Variants in RBFOX1 observed in about 807,000 individuals in gnomAD.
The protein encoded by RBFOX1 is RNA binding protein fox-1 homolog 1.
RBFOX1 carries 8 observed loss-of-function variants against 57.7 expected under a neutral mutation model. That is an observed-to-expected ratio of 0.14 (90% confidence interval 0.08 to 0.25). RBFOX1 has a LOEUF of 0.25. Among genes scored for constraint, RBFOX1 ranks in the 10% least tolerant of loss-of-function variants. RBFOX1 has a pLI of 1.00. For missense variants in RBFOX1, 611 were observed against 548.5 expected (o/e 1.11, Z -1.14); for synonymous variants, 326 against 222.4 (o/e 1.47, Z -4.15).
chr16:6,442,170 G>C (rs912922705), intron 2 of RBFOX1, among the ~76,000 whole-genome samples: 1 of 152,288 alleles, frequency 6.6e-6, no homozygotes, highest in East Asian at 1.9e-4. Flanking sequence ...GACAGAGCTT[G>C]ACTTAGTGGT....
chr16:5,590,284 T>C (rs1025817837), intron 2 of RBFOX1, among the ~76,000 whole-genome samples: 1 of 152,222 alleles, frequency 6.6e-6, no homozygotes, highest in Non-Finnish European at 1.5e-5. Flanking sequence ...TGCATTGATT[T>C]CTTTGCCCTG....
chr16:7,184,820 G>A (rs1404360146), intron 4 of RBFOX1, among the ~76,000 whole-genome samples: 5 of 152,142 alleles, frequency 3.3e-5, no homozygotes, highest in Non-Finnish European at 1.5e-5. Context: ...GAACTTTAGA[G>A]GAGATCCTTG....
chr16:6,396,439 G>A (rs898056896), intron 2 of RBFOX1, among the ~76,000 whole-genome samples: 9 of 152,190 alleles, frequency 5.9e-5, no homozygotes, highest in African/African-American at 2.2e-4. Context: ...CACATAGATA[G>A]ACTAGGAAGG....
At chr16:5,698,501 T>C (rs796374378) in intron 3 of RBFOX1, among the ~76,000 whole-genome samples, 1 of 152,340 alleles carries the variant, frequency 6.6e-6, no homozygotes, top group South Asian at 2.1e-4. Context: ...ATACTAGTTT[T>C]TGTTTTTTGT....
At chr16:5,621,741 T>C (rs1211943477) in intron 3 of RBFOX1, among the ~76,000 whole-genome samples, 3 of 152,162 alleles carry the variant, frequency 2.0e-5, no homozygotes, top group African/African-American at 7.2e-5. Context: ...CCCACCCTTA[T>C]TAAGAATGGA....
intron 3 of RBFOX1, among the ~76,000 whole-genome samples, chr16:5,688,396 G>C (rs73516371): frequency 0.036 from 5,490 of 152,270 alleles, 320 homozygotes; most frequent in African/African-American, 0.13. Context: ...CCTTAGCTAG[G>C]GATAATTTAT....
Position 6,663,240 on chromosome 16 carries a change from G to T in RBFOX1, c.-16+8590G>T, listed in dbSNP as rs114201286. Among the ~76,000 whole-genome samples, 340 of 152,270 alleles carry T rather than the reference G, an allele frequency of 2.2e-3. 1 individual carries two copies. Among genetic ancestry groups the T allele is most frequent in the Middle Eastern group, 6.8e-3 (2 of 294 alleles). On this transcript the variant is annotated intron_variant, in intron 3 of 15. Transcript: ENST00000550418. Reference sequence around the variant, plus strand: ...CTTACTGACAATGGATGGGTGTCATGAATGTCTCCACCCAGGAACTTGTCA... The same window carrying T: ...CTTACTGACAATGGATGGGTGTCATTAATGTCTCCACCCAGGAACTTGTCA...
chr16:7,221,565 C>G (rs1003048716), intron 4 of RBFOX1, among the ~76,000 whole-genome samples: 1 of 152,038 alleles, frequency 6.6e-6, no homozygotes, highest in Non-Finnish European at 1.5e-5. Flanking sequence ...AGGGGTCGCA[C>G]CATGTTGGCC....
At chr16:6,810,437 A>G (rs73532675) in intron 3 of RBFOX1, among the ~76,000 whole-genome samples, 8,572 of 152,168 alleles carry the variant, frequency 0.056, 601 homozygotes, top group African/African-American at 0.17. Context: ...AAGGATGACT[A>G]AAAAGATGGC....
chr16:7,637,656 T>A (rs1437478000), intron 11 of RBFOX1, among the ~76,000 whole-genome samples: 1 of 152,172 alleles, frequency 6.6e-6, no homozygotes, highest in African/African-American at 2.4e-5. Context: ...TACAGGTCAT[T>A]TTGTTACTGA....
chr16:7,366,090 G>A (rs897376784), intron 4 of RBFOX1, among the ~76,000 whole-genome samples: 3 of 152,134 alleles, frequency 2.0e-5, no homozygotes, highest in African/African-American at 7.2e-5. Flanking sequence ...AATCAGCTAT[G>A]GCCTAGGTGT....
intron 3 of RBFOX1, among the ~76,000 whole-genome samples, chr16:6,767,630 G>A (rs1015936558): frequency 6.6e-6 from 1 of 151,918 alleles, no homozygotes; most frequent in African/African-American, 2.4e-5. Flanking sequence ...AGAAATTATG[G>A]AGAGGCTAGG....
At chr16:6,354,882 T>A (rs1420153077) in intron 2 of RBFOX1, among the ~76,000 whole-genome samples, 5 of 151,978 alleles carry the variant, frequency 3.3e-5, no homozygotes, top group African/African-American at 9.7e-5. Flanking sequence ...AAACTGGGAG[T>A]CCTGAGGTTA....
chr16:6,628,808 G>A (rs559809251), intron 2 of RBFOX1, among the ~76,000 whole-genome samples: 1 of 152,262 alleles, frequency 6.6e-6, no homozygotes, highest in Non-Finnish European at 1.5e-5. Context: ...GGTATGATCT[G>A]TATGTTTATT....
chr16:7,189,788 C>G (rs1192953924), intron 4 of RBFOX1, among the ~76,000 whole-genome samples: 3 of 152,194 alleles, frequency 2.0e-5, no homozygotes, highest in Non-Finnish European at 4.4e-5. Context: ...CCTATGCATC[C>G]AGCAAGTAAG....
chr16:6,842,109 C>T (rs1039347126), intron 3 of RBFOX1, among the ~76,000 whole-genome samples: 2 of 151,368 alleles, frequency 1.3e-5, no homozygotes, highest in South Asian at 2.1e-4. Flanking sequence ...CGCCACTGCA[C>T]TCCAGCCTGG....
intron 2 of RBFOX1, among the ~76,000 whole-genome samples, chr16:6,551,381 T>G (rs2153876580): frequency 6.6e-6 from 1 of 152,276 alleles, no homozygotes; most frequent in Non-Finnish European, 1.5e-5. Context: ...GTGCCTAAAT[T>G]TTCCTGCCTG....
intron 3 of RBFOX1, among the ~76,000 whole-genome samples, chr16:5,718,416 G>A (rs1208567782): frequency 1.3e-5 from 2 of 152,182 alleles, no homozygotes; most frequent in Non-Finnish European, 2.9e-5. Flanking sequence ...AAGCCACTGA[G>A]TTTTGGTGTG....
chr16:6,338,039 C>T (rs1469006166), intron 2 of RBFOX1, among the ~76,000 whole-genome samples: 1 of 152,164 alleles, frequency 6.6e-6, no homozygotes, highest in Non-Finnish European at 1.5e-5. Flanking sequence ...ATACTTTGGA[C>T]AATTTTATCC....
Sources: allele counts gnomAD v4.1 joint callset (sites outside exome capture counted in the v4.1 genomes callset), GRCh38; gene constraint gnomAD v4.1.1; transcripts MANE v1.5; gene names NCBI Gene and HGNC (gene_info 2026-07-23, HGNC 2026-07-21).